DCUN1D3: variants seen among roughly 807,000 people sequenced by gnomAD.
DCUN1D3 encodes the protein DCN1-like protein 3.
Under a neutral mutation model 24.8 loss-of-function variants are expected in DCUN1D3, and 6 were observed. That is an observed-to-expected ratio of 0.24 (90% CI 0.13 to 0.48). The LOEUF is 0.48. Ranked by LOEUF, DCUN1D3 falls within the 20% of genes least tolerant of loss-of-function variation. The pLI is 0.99. For missense variants in DCUN1D3, 258 were observed against 379.4 expected, an observed-to-expected ratio of 0.68 and a Z score of 2.66; for synonymous variants, 120 against 144.9, an observed-to-expected ratio of 0.83 and a Z score of 1.24.
At chr16:20,883,278 C>A (rs367549460) in intron 1 of DCUN1D3, among the ~76,000 whole-genome samples, 1 of 152,054 alleles carries the variant, frequency 6.6e-6, no homozygotes, top group African/African-American at 2.4e-5. Flanking sequence ...TTTGGGAGGC[C>A]GAGGCGGACG....
At chr16:20,874,148 A>C (rs2081803004) in intron 1 of DCUN1D3, among the ~76,000 whole-genome samples, 1 of 152,204 alleles carries the variant, frequency 6.6e-6, no homozygotes, top group Admixed American at 6.5e-5. Flanking sequence ...TTCAGAGAGC[A>C]AAGAGAGAGA....
intron 1 of DCUN1D3, among the ~76,000 whole-genome samples, chr16:20,881,458 T>C (rs967531438): frequency 6.6e-6 from 1 of 152,202 alleles, no homozygotes; most frequent in Non-Finnish European, 1.5e-5. Context: ...TGCACTGATT[T>C]GCACTATTTG....
chr16:20,880,212 A>C (rs1035763731), intron 1 of DCUN1D3, among the ~76,000 whole-genome samples: 2 of 152,176 alleles, frequency 1.3e-5, no homozygotes, highest in Non-Finnish European at 2.9e-5. Flanking sequence ...TCAAATATAA[A>C]AAGTACATAG....
chr16:20,864,616 T>C (rs971541282), intron 1 of DCUN1D3, among the ~76,000 whole-genome samples: 1 of 152,078 alleles, frequency 6.6e-6, no homozygotes, highest in African/African-American at 2.4e-5. Flanking sequence ...AGAACTACAT[T>C]CGAACTAGCA....
intron 1 of DCUN1D3, among the ~76,000 whole-genome samples, chr16:20,878,257 G>C (rs1034136440): frequency 6.6e-6 from 1 of 152,166 alleles, no homozygotes. Context: ...TTCTCAGCCA[G>C]CAGTACACAG....
chr16:20,890,327 C>T (rs1397290071), intron 1 of DCUN1D3, among the ~76,000 whole-genome samples: 15 of 151,964 alleles, frequency 9.9e-5, no homozygotes, highest in Non-Finnish European at 2.9e-5. Flanking sequence ...TGAGGTAATG[C>T]GTAAGTAATA....
intron 1 of DCUN1D3, among the ~76,000 whole-genome samples, chr16:20,878,404 C>T (rs150199432): frequency 2.4e-4 from 36 of 152,264 alleles, no homozygotes; most frequent in African/African-American, 5.8e-4. Flanking sequence ...AAAAAATTCA[C>T]ATTAATGGAA....
intron 1 of DCUN1D3, among the ~76,000 whole-genome samples, chr16:20,863,929 C>T (rs745365537): frequency 3.5e-4 from 54 of 152,164 alleles, no homozygotes; most frequent in Non-Finnish European, 5.6e-4. Context: ...ATGCAGAAGA[C>T]TGAGGCTGGA....
At chr16:20,881,612 C>T (rs1291169381) in intron 1 of DCUN1D3, among the ~76,000 whole-genome samples, 2 of 152,052 alleles carry the variant, frequency 1.3e-5, no homozygotes, top group Non-Finnish European at 2.9e-5. Flanking sequence ...AGGCATTTTA[C>T]AGTCATGATA....
At position 20,857,100 on chromosome 16, in the gene DCUN1D3, C is replaced by A. The variant is rs1453488255; in HGVS notation, c.*2786G>T. 2.6e-5 allele frequency: 4 copies of A among 152,226 alleles called. No homozygotes were observed. The highest frequency in any genetic ancestry group is 9.7e-5 in the African/African-American group (4 of 41,448). 9.4% of individuals were successfully genotyped at this position (152,226 alleles called of 1,614,324 possible). ...AGTATAACTTCAAACCCTACACACA[C>A]CTCACCTTGGATCCCTTTGCAGAAA... On this transcript the variant is annotated 3_prime_UTR_variant, in exon 3 of 3. Transcript: ENST00000324344.
intron 1 of DCUN1D3, among the ~76,000 whole-genome samples, chr16:20,863,952 A>G (rs538392922): frequency 4.6e-5 from 7 of 152,312 alleles, no homozygotes; most frequent in Admixed American, 4.6e-4. Context: ...CCTTCCTTAC[A>G]CCATATACAA....
chr16:20,866,309 C>T (rs1356491276), intron 1 of DCUN1D3, among the ~76,000 whole-genome samples: 3 of 152,218 alleles, frequency 2.0e-5, no homozygotes, highest in African/African-American at 7.2e-5. Flanking sequence ...TGCTCACAGA[C>T]TGGCAACTCT....
At chr16:20,870,345 C>T (rs2081782092) in intron 1 of DCUN1D3, among the ~76,000 whole-genome samples, 1 of 152,182 alleles carries the variant, frequency 6.6e-6, no homozygotes, top group Non-Finnish European at 1.5e-5. Flanking sequence ...AGCAGGGCTA[C>T]TCCAATCTGA....
Position 20,856,490 on chromosome 16 carries a change from A to G in DCUN1D3, c.*3396T>C, listed in dbSNP as rs570477973. The G allele has an allele frequency of 6.6e-6, 1 of 152,292 alleles. No homozygotes were observed. Among genetic ancestry groups the G allele is most frequent in the Non-Finnish European group, 1.5e-5 (1 of 68,036 alleles). 9.4% of individuals were successfully genotyped at this position (152,292 alleles called of 1,614,324 possible). ...TGTGCTTTCCTTGGGGAAGTTTAAT[A>G]TTGAAAACACTGCCTTGTACATTTT... On this transcript the variant is annotated 3_prime_UTR_variant, in exon 3 of 3. Transcript: ENST00000324344.
At chr16:20,895,361 G>T (rs1203769949) in intron 1 of DCUN1D3, among the ~76,000 whole-genome samples, 1 of 152,128 alleles carries the variant, frequency 6.6e-6, no homozygotes, top group Non-Finnish European at 1.5e-5. Flanking sequence ...AAAACAAAAA[G>T]GGGGCAGGTA....
At chr16:20,895,707 G>A (rs2081912291) in intron 1 of DCUN1D3, among the ~76,000 whole-genome samples, 1 of 152,168 alleles carries the variant, frequency 6.6e-6, no homozygotes, top group Admixed American at 6.5e-5. Context: ...CCATCATCTA[G>A]GAACACAGAC....
intron 1 of DCUN1D3, among the ~76,000 whole-genome samples, chr16:20,873,096 G>C (rs951789222): frequency 6.6e-6 from 1 of 151,362 alleles, no homozygotes; most frequent in Non-Finnish European, 1.5e-5. Flanking sequence ...ACTCCAGCCT[G>C]GGCTACAGAG....
rs1041312612 is a variant in DCUN1D3 at position 20,855,067 on chromosome 16, A to C, written c.*4819T>G. 5.9e-5 allele frequency: 9 copies of C among 152,672 alleles called. No individual in the cohort carries two copies. Among genetic ancestry groups the C allele is most frequent in the Non-Finnish European group, 1.3e-4 (9 of 68,044 alleles). The allele number at this position is 152,672 out of a possible 1,614,324, so 9.5% of individuals were successfully genotyped here. A position where few individuals can be genotyped will look rare whatever the true frequency, so the allele number is the denominator to read the frequency against. On this transcript the variant is annotated 3_prime_UTR_variant, in exon 3 of 3. Coordinates refer to ENST00000324344, the MANE Select transcript of DCUN1D3 (RefSeq NM_173475.4). Reference sequence around the variant, plus strand: ...CAAGGGGCCATTTGGAGAGTGCAACAGTGCAGAAAATACAAACAAAAGTAT... The same window carrying C: ...CAAGGGGCCATTTGGAGAGTGCAACCGTGCAGAAAATACAAACAAAAGTAT...
intron 1 of DCUN1D3, among the ~76,000 whole-genome samples, chr16:20,893,400 T>C (rs2081901082): frequency 6.6e-6 from 1 of 152,192 alleles, no homozygotes; most frequent in Non-Finnish European, 1.5e-5. Flanking sequence ...CTCAAACTCC[T>C]GGGCTCAAGA....
Sources: allele counts gnomAD v4.1 joint callset (sites outside exome capture counted in the v4.1 genomes callset), GRCh38; gene constraint gnomAD v4.1.1; transcripts MANE v1.5; gene names NCBI Gene and HGNC (gene_info 2026-07-23, HGNC 2026-07-21).